Variants in GLI2 observed in about 807,000 individuals in gnomAD.
The protein encoded by GLI2 is transcription activator GLI2.
Under a neutral mutation model 78.9 loss-of-function variants are expected in GLI2, and 22 were observed. The ratio of observed to expected loss-of-function variants is 0.28; its 90% CI spans 0.20 to 0.40. The LOEUF is 0.40. Ranked by LOEUF, GLI2 falls within the 10% of genes least tolerant of loss-of-function variation. The probability of loss-of-function intolerance (pLI) is 1.00; values close to 1 mark genes in which losing one functional copy is unlikely to be tolerated. For missense variants in GLI2, 2,097 were observed against 2,213.2 expected, an observed-to-expected ratio of 0.95 and a Z score of 1.05; for synonymous variants, 974 against 963.7, an observed-to-expected ratio of 1.01 and a Z score of -0.20.
intron 2 of GLI2, among the ~76,000 whole-genome samples, chr2:120,876,459 T>C (rs1688752207): frequency 6.6e-6 from 1 of 152,184 alleles, no homozygotes; most frequent in Non-Finnish European, 1.5e-5. Context: ...GCAGCCACAC[T>C]TCCCCCGGAA....
intron 1 of GLI2, among the ~76,000 whole-genome samples, chr2:120,773,410 G>A (rs551135817): frequency 9.9e-5 from 15 of 152,270 alleles, no homozygotes; most frequent in African/African-American, 3.4e-4. Context: ...CCTGTCACCC[G>A]CGGTGACAGC....
At chr2:120,779,221 C>T (rs11888373) in intron 1 of GLI2, among the ~76,000 whole-genome samples, 1,627 of 152,294 alleles carry the variant, frequency 0.011, 14 homozygotes, top group African/African-American at 0.036. Flanking sequence ...GAAACTGTGG[C>T]TCAGGAGGCT....
At chr2:120,902,192 C>A (rs954853004) in intron 2 of GLI2, among the ~76,000 whole-genome samples, 2 of 149,044 alleles carry the variant, frequency 1.3e-5, no homozygotes, top group Admixed American at 6.7e-5. Flanking sequence ...CCCACCCCCC[C>A]CCACCCCCAA....
In GLI2 at chr2:120,971,932, C is replaced by G. The variant is rs762410067; in HGVS notation, c.1060-9C>G. The G allele has an allele frequency of 1.2e-6, 2 of 1,613,322 alleles. No homozygotes were observed. Among genetic ancestry groups the G allele is most frequent in the African/African-American group, 2.7e-5 (2 of 74,942 alleles). On this transcript the variant is annotated splice_polypyrimidine_tract_variant and intron_variant, in intron 7 of 13. Coordinates refer to ENST00000361492, the MANE Select transcript of GLI2 (RefSeq NM_001374353.1). ...TGAGTAACAGACTGTCCTCTGCACC[C>G]TTCCTCAGAACAAGCAGAGCAGTGA...
chr2:120,868,152 C>G (rs1350918369), intron 2 of GLI2, among the ~76,000 whole-genome samples: 1 of 152,226 alleles, frequency 6.6e-6, no homozygotes, highest in African/African-American at 2.4e-5. Context: ...TTCGCCACTT[C>G]AATTCCCCGC....
At chr2:120,859,555 A>G (rs1687812096) in intron 2 of GLI2, among the ~76,000 whole-genome samples, 1 of 149,352 alleles carries the variant, frequency 6.7e-6, no homozygotes, top group Non-Finnish European at 1.5e-5. Flanking sequence ...CCCGGGTTCA[A>G]GTGATTCTCC....
chr2:120,929,309 G>A lies in GLI2; in HGVS notation c.254+1843G>A, dbSNP rs541995695. On this transcript the variant is annotated intron_variant, in intron 3 of 13. Coordinates refer to ENST00000361492, the MANE Select transcript of GLI2 (RefSeq NM_001374353.1). ...GGCTTCTCCGCTTTAAAGTTGTCCC[G>A]TTCGTAATTAATAAGTATTTTGTGG... Among the ~76,000 whole-genome samples, 15 of 152,162 alleles carry A rather than the reference G, an allele frequency of 9.9e-5. 1 individual carries two copies. The highest frequency in any genetic ancestry group is 4.1e-4 in the South Asian group (2 of 4,830).
At chr2:120,964,880 C>T (rs1205470359) in intron 5 of GLI2, among the ~76,000 whole-genome samples, 1 of 152,252 alleles carries the variant, frequency 6.6e-6, no homozygotes, top group Non-Finnish European at 1.5e-5. Context: ...ATTAGAAAGT[C>T]CAGACATCAG....
In GLI2 at chr2:120,951,413, T is replaced by C; in HGVS notation, c.425T>C (p.Ile142Thr). ...CACAGCAGCCCCACGCTCTCCATGA[T>C]CTCTGCAGCCAGGGGCCTCAGCCCC... ...SVHSSPTLSM[I>T]SAARGLSPAD... The change falls in exon 4 of 14, where the codon ATC (isoleucine) becomes ACC (threonine). Residue 142 changes from isoleucine to threonine, a missense_variant. By Grantham distance (89) the Ile-to-Thr change is moderately conservative. Coordinates refer to ENST00000361492, the MANE Select transcript of GLI2 (RefSeq NM_001374353.1). The C allele has an allele frequency of 6.2e-7, 1 of 1,613,450 alleles. No homozygotes were observed. The highest frequency in any genetic ancestry group is 8.5e-7 in the Non-Finnish European group (1 of 1,179,592).
intron 2 of GLI2, among the ~76,000 whole-genome samples, chr2:120,904,800 A>C (rs541686408): frequency 3.3e-5 from 5 of 152,208 alleles, no homozygotes; most frequent in African/African-American, 1.2e-4. Context: ...CGATCTACCA[A>C]AGTTGGAAAA....
At chr2:120,887,849 G>A (rs532113364) in intron 2 of GLI2, among the ~76,000 whole-genome samples, 74 of 152,296 alleles carry the variant, frequency 4.9e-4, no homozygotes, top group African/African-American at 1.6e-3. Flanking sequence ...GAGAGGGCCC[G>A]GGGATCCTAA....
Position 120,889,605 on chromosome 2 carries a change from A to T in GLI2, c.149-37756A>T, listed in dbSNP as rs10166450. On this transcript the variant is annotated intron_variant, in intron 2 of 13. Transcript: ENST00000361492. ...CTCATACCTGACAAGGGACTAGTACATAGAATATGTACTCAAAACTCAACA... is the reference window on the plus strand; with the variant it reads ...CTCATACCTGACAAGGGACTAGTACTTAGAATATGTACTCAAAACTCAACA... Among the ~76,000 whole-genome samples the T allele has an allele frequency of 3.1e-3, 478 of 152,336 alleles. 4 individuals are homozygous for T. The highest frequency in any genetic ancestry group is 0.011 in the African/African-American group (453 of 41,564).
intron 2 of GLI2, among the ~76,000 whole-genome samples, chr2:120,799,991 C>T (rs548768691): frequency 6.6e-6 from 1 of 152,256 alleles, no homozygotes; most frequent in South Asian, 2.1e-4. Flanking sequence ...ATGAGGGGTA[C>T]CCAAGGGTCT....
chr2:120,939,379 C>A lies in GLI2; in HGVS notation c.255-11864C>A, dbSNP rs563209630. 1.1e-3 allele frequency among the ~76,000 whole-genome samples: 170 copies of A among 152,282 alleles called. 2 individuals carry two copies. The South Asian group carries it at 0.034, about 31-fold the overall frequency. ...CTCACTCTAAGGACTGAGGACATGC[C>A]AGCACCTTTGAGGTCCCGTGTGCTC... On this transcript the variant is annotated intron_variant, in intron 3 of 13. Coordinates refer to ENST00000361492, the MANE Select transcript of GLI2 (RefSeq NM_001374353.1).
At chr2:120,870,783 G>T (rs889122209) in intron 2 of GLI2, among the ~76,000 whole-genome samples, 2 of 152,132 alleles carry the variant, frequency 1.3e-5, no homozygotes, top group Non-Finnish European at 2.9e-5. Flanking sequence ...ACCCTCTTGA[G>T]CCTCATCTTC....
intron 1 of GLI2, among the ~76,000 whole-genome samples, chr2:120,746,394 A>G (rs556488734): frequency 1.3e-5 from 2 of 152,134 alleles, no homozygotes; most frequent in Non-Finnish European, 2.9e-5. Flanking sequence ...ACCCCCCCAG[A>G]AGCTGCCCAG....
chr2:120,887,118 G>A (rs1677450524), intron 2 of GLI2, among the ~76,000 whole-genome samples: 1 of 152,182 alleles, frequency 6.6e-6, no homozygotes, highest in Non-Finnish European at 1.5e-5. Flanking sequence ...CCCGATCAAT[G>A]CCTGTGGTCC....
chr2:120,872,299 G>A (rs1023654478), intron 2 of GLI2, among the ~76,000 whole-genome samples: 1 of 152,210 alleles, frequency 6.6e-6, no homozygotes. Context: ...CTGATTTAGG[G>A]TGTGCCCCGT....
chr2:120,941,056 G>A (rs1182791246), intron 3 of GLI2, among the ~76,000 whole-genome samples: 1 of 152,214 alleles, frequency 6.6e-6, no homozygotes, highest in Non-Finnish European at 1.5e-5. Flanking sequence ...ATCCGGGGGA[G>A]TGACGTGTGG....
Sources: allele counts gnomAD v4.1 joint callset (sites outside exome capture counted in the v4.1 genomes callset), GRCh38; gene constraint gnomAD v4.1.1; transcripts MANE v1.5; gene names NCBI Gene and HGNC (gene_info 2026-07-23, HGNC 2026-07-21).